Variants in SPATA6 observed in about 807,000 individuals in gnomAD.
SPATA6 encodes spermatogenesis associated 6, also known as spermatogenesis-associated protein 6.
SPATA6 carries 56 observed loss-of-function variants against 65.3 expected under a neutral mutation model. That is an observed-to-expected ratio of 0.86 (90% confidence interval 0.69 to 1.07). The LOEUF is 1.07. Among genes scored for constraint, SPATA6 ranks in the 50% least tolerant of loss-of-function variants. The pLI is 0.00. For synonymous variants in SPATA6, 199 were observed against 213.2 expected, an observed-to-expected ratio of 0.93 and a Z score of 0.58; for missense variants, 590 against 594.8, an observed-to-expected ratio of 0.99 and a Z score of 0.08.
intron 3 of SPATA6, among the ~76,000 whole-genome samples, chr1:48,422,409 G>C (rs1653433721): frequency 6.6e-6 from 1 of 152,164 alleles, no homozygotes; most frequent in Non-Finnish European, 1.5e-5. Context: ...GCTGAGCTGA[G>C]ATTTTTATGG....
At chr1:48,420,961 T>C (rs968205135) in intron 3 of SPATA6, among the ~76,000 whole-genome samples, 11 of 152,142 alleles carry the variant, frequency 7.2e-5, no homozygotes, top group African/African-American at 2.7e-4. Context: ...ATGCATTATC[T>C]CACTCATTGA....
At chr1:48,444,318 T>C (rs1655804811) in intron 3 of SPATA6, among the ~76,000 whole-genome samples, 1 of 148,636 alleles carries the variant, frequency 6.7e-6, no homozygotes, top group Non-Finnish European at 1.5e-5. Context: ...CAATCAGCAC[T>C]CTGTAAAAAC....
intron 11 of SPATA6, among the ~76,000 whole-genome samples, chr1:48,331,675 C>T (rs1350251179): frequency 6.6e-6 from 1 of 152,190 alleles, no homozygotes; most frequent in East Asian, 1.9e-4. Flanking sequence ...ATGAGAACTT[C>T]CCCATTCTAG....
chr1:48,345,106 C>T (rs1646327480), intron 11 of SPATA6, among the ~76,000 whole-genome samples: 1 of 152,052 alleles, frequency 6.6e-6, no homozygotes, highest in Non-Finnish European at 1.5e-5. Context: ...TTCTAAAATT[C>T]ATCACATAAT....
At chr1:48,408,609 G>C (rs1420705771) in intron 5 of SPATA6, among the ~76,000 whole-genome samples, 1 of 152,138 alleles carries the variant, frequency 6.6e-6, no homozygotes, top group Non-Finnish European at 1.5e-5. Context: ...CTTTAAGATA[G>C]ATATTGTATT....
At chr1:48,418,785 A>AAGGGAAGGAAGGAAGG (rs1653040572) in intron 3 of SPATA6, among the ~76,000 whole-genome samples, 1 of 106,194 alleles carries the variant, frequency 9.4e-6, no homozygotes, top group Non-Finnish European at 2.2e-5. Context: ...AGGAAGGAAG[A>AAGGGAAGGAAGGAAGG]AGGGAAGGAA....
chr1:48,445,492 C>T (rs1359594861), intron 3 of SPATA6, among the ~76,000 whole-genome samples: 1 of 151,792 alleles, frequency 6.6e-6, no homozygotes, highest in Non-Finnish European at 1.5e-5. Context: ...AACCCCGTCT[C>T]TACTAAAAAT....
At chr1:48,444,394 TGCACCAATCAGCACTCTGTAAAAAC>T (rs1054423987) in intron 3 of SPATA6, among the ~76,000 whole-genome samples, 1 of 151,612 alleles carries the variant, frequency 6.6e-6, no homozygotes, top group South Asian at 2.1e-4. Context: ...TCTTTAAAAA[TGCACCAATCAGCACTCTGTAAAAAC>T]GCACCAATCA....
At chr1:48,367,331 G>C (rs1438617277) in intron 9 of SPATA6, among the ~76,000 whole-genome samples, 7 of 152,242 alleles carry the variant, frequency 4.6e-5, no homozygotes, top group East Asian at 3.9e-4. Flanking sequence ...GCAGAGCTGA[G>C]TTCAATTCCT....
At chr1:48,432,623 G>C (rs1333227054) in intron 3 of SPATA6, among the ~76,000 whole-genome samples, 4 of 152,074 alleles carry the variant, frequency 2.6e-5, no homozygotes, top group African/African-American at 9.7e-5. Context: ...CAAAACAACA[G>C]AAAACAACAA....
In SPATA6 at chr1:48,399,584, TTC is replaced by T. The variant is rs1358610367; in HGVS notation, c.545_546del (p.Arg182AsnfsTer13). The T allele has an allele frequency of 6.2e-7, 1 of 1,612,562 alleles. No homozygotes were observed. The highest frequency in any genetic ancestry group is 1.3e-5 in the African/African-American group (1 of 74,792). ...VEKSHGRLQN[R>X]TSRSQKKKSK... Reference sequence around the variant, plus strand: ...GATTTTTTCTTTTGTGATCTTGATGTTCTGTTTTGCAGTCTGCCATGTGATTT... The same window carrying T: ...GATTTTTTCTTTTGTGATCTTGATGTTGTTTTGCAGTCTGCCATGTGATTT... On this transcript the variant is annotated frameshift_variant, in exon 7 of 13. Coordinates refer to ENST00000371847, the MANE Select transcript of SPATA6 (RefSeq NM_019073.4). LOFTEE classifies it high-confidence loss of function.
chr1:48,358,081 C>T (rs939911859), intron 10 of SPATA6, among the ~76,000 whole-genome samples: 5 of 151,274 alleles, frequency 3.3e-5, no homozygotes, highest in African/African-American at 7.3e-5. Context: ...AATGCCACCG[C>T]TATCTACTCT....
intron 11 of SPATA6, among the ~76,000 whole-genome samples, chr1:48,350,893 A>G (rs1236283996): frequency 6.6e-6 from 1 of 151,944 alleles, no homozygotes; most frequent in Non-Finnish European, 1.5e-5. Flanking sequence ...AAGCTTGTCA[A>G]TATCTACTAA....
chr1:48,339,439 A>C (rs1272957082), intron 11 of SPATA6, among the ~76,000 whole-genome samples: 2 of 152,000 alleles, frequency 1.3e-5, no homozygotes, highest in Non-Finnish European at 2.9e-5. Context: ...AAAAAAGACA[A>C]AGCAGATCAC....
chr1:48,407,988 C>G (rs1197509632), intron 5 of SPATA6, among the ~76,000 whole-genome samples: 2 of 152,070 alleles, frequency 1.3e-5, no homozygotes, highest in African/African-American at 4.8e-5. Context: ...TGTATGTTTC[C>G]ACACAGATCT....
chr1:48,264,233 T>C, the SPATA6 span, among the ~76,000 whole-genome samples: 14 of 152,298 alleles, frequency 9.2e-5, no homozygotes, highest in African/African-American at 3.1e-4. Context: ...AGTACCCAAA[T>C]ATTTTTGGGG....
At chr1:48,342,242 T>C (rs1646239065) in intron 11 of SPATA6, among the ~76,000 whole-genome samples, 1 of 152,178 alleles carries the variant, frequency 6.6e-6, no homozygotes, top group Non-Finnish European at 1.5e-5. Flanking sequence ...ATTTTGTTTT[T>C]TAAAAAATAG....
chr1:48,301,003 G>A (rs747628360), intron 12 of SPATA6, among the ~76,000 whole-genome samples: 4 of 151,860 alleles, frequency 2.6e-5, no homozygotes, highest in Admixed American at 1.3e-4. Context: ...GCCCACTTTC[G>A]CCACTTATAT....
At chr1:48,410,040 A>C (rs1271060492) in intron 5 of SPATA6, among the ~76,000 whole-genome samples, 1 of 152,206 alleles carries the variant, frequency 6.6e-6, no homozygotes, top group African/African-American at 2.4e-5. Context: ...CAGAAAATTG[A>C]ATTTTCTTTT....
Sources: allele counts gnomAD v4.1 joint callset (sites outside exome capture counted in the v4.1 genomes callset), GRCh38; gene constraint gnomAD v4.1.1; transcripts MANE v1.5; gene names NCBI Gene and HGNC (gene_info 2026-07-23, HGNC 2026-07-21).